MBNL3: variants seen among roughly 807,000 people sequenced by gnomAD.
The protein encoded by MBNL3 is muscleblind like splicing regulator 3.
MBNL3 carries 6 observed loss-of-function variants against 24.5 expected under a neutral mutation model. The observed-to-expected ratio is 0.25, with a 90% confidence interval of 0.13 to 0.48. The LOEUF (loss-of-function observed/expected upper bound fraction) is 0.48, where lower values mean the gene tolerates loss of function less well. Ranked by LOEUF, MBNL3 falls within the 20% of genes least tolerant of loss-of-function variation. The pLI is 0.99. For missense variants in MBNL3, 230 were observed against 293.5 expected, an observed-to-expected ratio of 0.78 and a Z score of 1.58; for synonymous variants, 100 against 101.7, an observed-to-expected ratio of 0.98 and a Z score of 0.10.
rs761376810 is a variant in MBNL3 at position 132,371,019 on chromosome X, T to G, written c.*8647A>C. On this transcript the variant is annotated 3_prime_UTR_variant, in exon 9 of 9. Coordinates refer to ENST00000370853, the MANE Select transcript of MBNL3 (RefSeq NM_001386889.1). Reference sequence around the variant, plus strand: ...ACATTAACTGAATTCTGAAGAGGCCTAAGACCTCTTGTAAATGTCTATATA... The same window carrying G: ...ACATTAACTGAATTCTGAAGAGGCCGAAGACCTCTTGTAAATGTCTATATA... The G allele has an allele frequency of 1.8e-5, 2 of 111,728 alleles. No individual in the cohort carries two copies. The highest frequency in any genetic ancestry group is 6.5e-5 in the African/African-American group (2 of 30,781). 9.2% of individuals were successfully genotyped at this position (111,728 alleles called of 1,213,427 possible).
chrX:132,439,477 AT>A lies in MBNL3; in HGVS notation c.134del (p.His45LeufsTer14), dbSNP rs2148440882. The A allele has an allele frequency of 8.3e-7, 1 of 1,205,055 alleles. No homozygotes were observed. Among genetic ancestry groups the A allele is most frequent in the African/African-American group, 1.8e-5 (1 of 56,768 alleles). ...CKFAHPPRVC[H>X]VENGRVVACF... ...AGGCCACCACACGACCATTTTCCAC[AT>A]GGCAAACTCTTGGTGGATGGGCAAA... On this transcript the variant is annotated frameshift_variant, in exon 2 of 9. Transcript: ENST00000370853. LOFTEE classifies it high-confidence loss of function.
intron 2 of MBNL3, among the ~76,000 whole-genome samples, chrX:132,437,574 G>A (rs749295028): frequency 1.8e-5 from 2 of 111,742 alleles, no homozygotes; most frequent in Non-Finnish European, 3.8e-5. Flanking sequence ...AGGATTGTGA[G>A]GTTAAGTTGC....
intron 1 of MBNL3, among the ~76,000 whole-genome samples, chrX:132,450,029 C>A (rs1490230863): frequency 1.2e-5 from 1 of 86,062 alleles, no homozygotes; most frequent in Non-Finnish European, 2.1e-5. Flanking sequence ...GCAGAGAGAT[C>A]TGCTGTTAGT....
At chrX:132,391,263 G>A (rs2148116127) in intron 4 of MBNL3, among the ~76,000 whole-genome samples, 180 bp from the exon 5 acceptor site, 1 of 111,750 alleles carries the variant, frequency 8.9e-6, no homozygotes, top group East Asian at 2.8e-4. Flanking sequence ...GATATAAACA[G>A]ACAGAATTTC....
chrX:132,373,013 G>A lies in MBNL3; in HGVS notation c.*6653C>T, dbSNP rs1225749293. On this transcript the variant is annotated 3_prime_UTR_variant, in exon 9 of 9. Coordinates refer to ENST00000370853, the MANE Select transcript of MBNL3 (RefSeq NM_001386889.1). ...TAGTCAAACTAAATATTTTCTTGAGGTTAGTAATAGAGGGCTTTTTTTGGG... is the reference window on the plus strand; with the variant it reads ...TAGTCAAACTAAATATTTTCTTGAGATTAGTAATAGAGGGCTTTTTTTGGG... 1 of 110,137 alleles carries A rather than the reference G, an allele frequency of 9.1e-6. No individual in the cohort carries two copies. The highest frequency in any genetic ancestry group is 2.8e-4 in the East Asian group (1 of 3,514). The allele number at this position is 110,137 out of a possible 1,213,427, so 9.1% of individuals were successfully genotyped here. A position where few individuals can be genotyped will look rare whatever the true frequency, so the allele number is the denominator to read the frequency against.
intron 1 of MBNL3, among the ~76,000 whole-genome samples, chrX:132,485,963 C>T (rs1603275569): frequency 2.7e-5 from 3 of 112,170 alleles, no homozygotes; most frequent in African/African-American, 3.2e-5. Flanking sequence ...ATGGAAGAAC[C>T]TTGATGAAGT....
At chrX:132,435,763 A>G (rs1402465868) in intron 2 of MBNL3, among the ~76,000 whole-genome samples, 1 of 111,675 alleles carries the variant, frequency 9.0e-6, no homozygotes, top group East Asian at 2.8e-4. Flanking sequence ...TAGCTTGAGT[A>G]TCCTCTAACT....
At chrX:132,478,537 C>T (rs1947564090) in intron 1 of MBNL3, among the ~76,000 whole-genome samples, 1 of 112,165 alleles carries the variant, frequency 8.9e-6, no homozygotes, top group Non-Finnish European at 1.9e-5. Context: ...AAAACACTGA[C>T]TTTTAAACCT....
At chrX:132,402,827 T>C (rs1941162367) in intron 3 of MBNL3, among the ~76,000 whole-genome samples, 1 of 111,909 alleles carries the variant, frequency 8.9e-6, no homozygotes, top group Non-Finnish European at 1.9e-5. Context: ...TACCATCGCA[T>C]TTAGGTTGAC....
At chrX:132,429,895 ACT>A (rs1944598301) in intron 2 of MBNL3, 1 of 111,623 alleles carries the variant, frequency 9.0e-6, no homozygotes, top group African/African-American at 3.3e-5. Flanking sequence ...AGGTCAAGTC[ACT>A]CTCCCTCAAC....
At position 132,371,927 on chromosome X, in the gene MBNL3, A is replaced by G. The variant is rs2147996347; in HGVS notation, c.*7739T>C. ...TTTAGAATTACTAAATATTAGGATT[A>G]ATATACTAGAGCATGAATAGCCTTC... On this transcript the variant is annotated 3_prime_UTR_variant, in exon 9 of 9. Coordinates refer to ENST00000370853, the MANE Select transcript of MBNL3 (RefSeq NM_001386889.1). 9.0e-6 allele frequency: 1 copy of G among 111,527 alleles called. No homozygotes were observed. Among genetic ancestry groups the G allele is most frequent in the African/African-American group, 3.2e-5 (1 of 30,828 alleles). 9.2% of individuals were successfully genotyped at this position (111,527 alleles called of 1,213,427 possible).
rs546970232 is a variant in MBNL3 at position 132,399,071 on chromosome X, A to G, written c.343-6737T>C. On this transcript the variant is annotated intron_variant, in intron 3 of 8. Coordinates refer to ENST00000370853, the MANE Select transcript of MBNL3 (RefSeq NM_001386889.1). ...ATACCTGTCACAGAGTATATGCTCA[A>G]TACTTACTGAATTCAATAAAAAGGG... Among the ~76,000 whole-genome samples the G allele has an allele frequency of 2.1e-4, 23 of 111,866 alleles. No homozygotes were observed. In the South Asian group the frequency reaches 8.2e-3, roughly 40 times the overall value.
At chrX:132,396,970 G>T (rs1273081345) in intron 3 of MBNL3, among the ~76,000 whole-genome samples, 5 of 71,409 alleles carry the variant, frequency 7.0e-5, no homozygotes, top group South Asian at 6.3e-4. Flanking sequence ...ATATATATAT[G>T]AATATATATG....
chrX:132,426,731 G>A (rs141550894), intron 2 of MBNL3, among the ~76,000 whole-genome samples: 221 of 111,630 alleles, frequency 2.0e-3, no homozygotes, highest in African/African-American at 6.8e-3. Flanking sequence ...TTGGACTGTT[G>A]TAGCTGTTAG....
intron 5 of MBNL3, among the ~76,000 whole-genome samples, 199 bp from the exon 6 acceptor site, chrX:132,387,010 C>T (rs1007038812): frequency 9.0e-6 from 1 of 110,979 alleles, no homozygotes; most frequent in African/African-American, 3.3e-5. Flanking sequence ...CAGTGGCTCA[C>T]GCCTGTAATC....
chrX:132,388,353 T>C (rs1204337549), intron 5 of MBNL3, among the ~76,000 whole-genome samples: 1 of 112,399 alleles, frequency 8.9e-6, no homozygotes, highest in Non-Finnish European at 1.9e-5. Flanking sequence ...ATCTATCATT[T>C]CGAATGCCTT....
chrX:132,443,070 GCTT>G (rs1413917755), intron 1 of MBNL3, among the ~76,000 whole-genome samples: 1 of 112,090 alleles, frequency 8.9e-6, no homozygotes, highest in Non-Finnish European at 1.9e-5. Context: ...ATACAGTTCT[GCTT>G]CTTAAGATTT....
At position 132,392,210 on chromosome X, in the gene MBNL3, G is replaced by A; in HGVS notation, c.467C>T (p.Pro156Leu). 8.3e-7 allele frequency: 1 copy of A among 1,210,393 alleles called. No homozygotes were observed. Among genetic ancestry groups the A allele is most frequent in the Non-Finnish European group, 1.1e-6 (1 of 894,828 alleles). Reference sequence around the variant, plus strand: ...TGGCATTGCAAGAGGTGGGTTTCCAGGAATCAGAACAGGTGTATTTGGTAC... The same window carrying A: ...TGGCATTGCAAGAGGTGGGTTTCCAAGAATCAGAACAGGTGTATTTGGTAC... ...ELVPNTPVLIPGNPPLAMPGA... is the reference protein window; with the variant it reads ...ELVPNTPVLILGNPPLAMPGA... The change falls in exon 4 of 9, where the codon CCT becomes CTT. Residue 156 changes from proline (P) to leucine (L), a missense_variant. Physicochemically the swap from Pro to Leu is moderately conservative, Grantham distance 98. Transcript: ENST00000370853.
In MBNL3 at chrX:132,438,914, CA is replaced by C. The variant is rs765377841; in HGVS notation, c.177+520del. On this transcript the variant is annotated intron_variant, in intron 2 of 8. Transcript: ENST00000370853. Reference sequence around the variant, plus strand: ...GTTCAAAATATACTTTGAGACGCTTCAAAATGCCATAATTTTCCTTCTGGAA... The same window carrying C: ...GTTCAAAATATACTTTGAGACGCTTCAAATGCCATAATTTTCCTTCTGGAA... 9.2e-5 allele frequency among the ~76,000 whole-genome samples: 10 copies of C among 108,957 alleles called. No individual in the cohort carries two copies. The East Asian group carries it at 2.9e-3, about 31-fold the overall frequency. 94.6% of individuals were successfully genotyped at this position (108,957 alleles called of 115,157 possible).
Sources: gnomAD v4.1 joint callset for allele counts (sites outside exome capture counted in the v4.1 genomes callset) on GRCh38, gnomAD v4.1.1 for gene constraint, MANE v1.5 for transcripts, NCBI Gene and HGNC (gene_info 2026-07-23, HGNC 2026-07-21) for gene names.